NCAPG: variants seen among roughly 807,000 people sequenced by gnomAD.
The protein encoded by NCAPG is condensin complex subunit 3.
NCAPG carries 69 observed loss-of-function variants against 113.1 expected under a neutral mutation model. The observed-to-expected ratio is 0.61, with a 90% CI of 0.50 to 0.75. The LOEUF is 0.75. Ranked by LOEUF, NCAPG falls within the 30% of genes least tolerant of loss-of-function variation. The pLI is 0.00. For missense variants in NCAPG, 1,058 were observed against 1,177.0 expected, an observed-to-expected ratio of 0.90 and a Z score of 1.48; for synonymous variants, 370 against 415.8, an observed-to-expected ratio of 0.89 and a Z score of 1.34.
At chr4:17,828,913 TA>T (rs955042779) in intron 12 of NCAPG, among the ~76,000 whole-genome samples, 2 of 151,618 alleles carry the variant, frequency 1.3e-5, no homozygotes, top group Admixed American at 6.6e-5. Flanking sequence ...GTAGCCACAT[TA>T]AAAAAAGTGG....
chr4:17,814,575 C>G (rs929602693), intron 3 of NCAPG, among the ~76,000 whole-genome samples: 2 of 152,168 alleles, frequency 1.3e-5, no homozygotes, highest in African/African-American at 4.8e-5. Context: ...TCCTAAGTAA[C>G]TGGAAGCGCC....
Position 17,815,306 on chromosome 4 carries a change from G to A in NCAPG, c.723G>A (p.Met241Ile), listed in dbSNP as rs376754267. 18 of 1,596,826 alleles carry A rather than the reference G, an allele frequency of 1.1e-5. No homozygotes were observed. Among genetic ancestry groups the A allele is most frequent in the Non-Finnish European group, 1.5e-5 (18 of 1,176,246 alleles). ...VLAEKVHMRAMSIAQRVMLLQ... is the reference protein window; with the variant it reads ...VLAEKVHMRAISIAQRVMLLQ... ...CTGAAAAGGTTCATATGAGAGCTAT[G>A]TCCATTGCTCAGAGAGTAATGCTCC... Residue 241 changes from methionine to isoleucine, a missense_variant, in exon 5 of 21, where the codon ATG (methionine) becomes ATA (isoleucine). By Grantham distance (10) the Met-to-Ile change is conservative (BLOSUM62 1). Transcript: ENST00000251496.
chr4:17,831,784 G>T (rs553720955), intron 13 of NCAPG, among the ~76,000 whole-genome samples: 1 of 152,172 alleles, frequency 6.6e-6, no homozygotes, highest in South Asian at 2.1e-4. Flanking sequence ...GCTGGCAGCA[G>T]GATGTCCATG....
At position 17,843,866 on chromosome 4, in the gene NCAPG, T is replaced by TA. The variant is rs201720404; in HGVS notation, c.*442dup. On this transcript the variant is annotated 3_prime_UTR_variant, in exon 21 of 21. Transcript: ENST00000251496. ...ACATTTCTAGGGAAAATGAAGGAAGTACCACAAACTGGCTAGAAAGGAGCT... is the reference window on the plus strand; with the variant it reads ...ACATTTCTAGGGAAAATGAAGGAAGTAACCACAAACTGGCTAGAAAGGAGCT... 2.0e-3 allele frequency: 303 copies of TA among 153,122 alleles called. 6 individuals carry two copies. The East Asian group carries it at 0.041, about 21-fold the overall frequency. 9.5% of individuals were successfully genotyped at this position (153,122 alleles called of 1,614,324 possible).
chr4:17,824,544 T>C (rs1254178696), intron 9 of NCAPG, among the ~76,000 whole-genome samples: 1 of 152,138 alleles, frequency 6.6e-6, no homozygotes, highest in African/African-American at 2.4e-5. Flanking sequence ...CTTATGCTAT[T>C]ATTATTTATG....
In NCAPG at chr4:17,815,302, CT is replaced by C; in HGVS notation, c.720del (p.Met241CysfsTer7). 6.3e-7 allele frequency: 1 copy of C among 1,596,636 alleles called. No individual in the cohort carries two copies. The highest frequency in any genetic ancestry group is 1.1e-5 in the South Asian group (1 of 87,062). ...TTAGCTGAAAAGGTTCATATGAGAG[CT>C]ATGTCCATTGCTCAGAGAGTAATGC... ...QVLAEKVHMR[A>X]MSIAQRVMLL... On this transcript the variant is annotated frameshift_variant, in exon 5 of 21. Transcript: ENST00000251496. LOFTEE classifies it high-confidence loss of function.
At chr4:17,817,116 A>T (rs1721240878) in intron 5 of NCAPG, 145 bp from the exon 6 acceptor site, 2 of 573,478 alleles carry the variant, frequency 3.5e-6, no homozygotes, top group African/African-American at 1.9e-5. Context: ...TGTCTCAAAA[A>T]ATATATATAT....
intron 9 of NCAPG, 25 bp from the exon 10 acceptor site, chr4:17,824,943 T>G (rs1215403642): frequency 4.6e-6 from 7 of 1,531,044 alleles, no homozygotes; most frequent in Middle Eastern, 1.7e-4. Flanking sequence ...AAACATATAT[T>G]AAAGCATGTA....
chr4:17,819,736 A>C (rs1018396330), intron 7 of NCAPG, among the ~76,000 whole-genome samples: 10 of 151,918 alleles, frequency 6.6e-5, no homozygotes, highest in Non-Finnish European at 1.2e-4. Flanking sequence ...ATATAATATG[A>C]ATTATGGACC....
chr4:17,843,520 T>G lies in NCAPG; in HGVS notation c.*95T>G. Reference sequence around the variant, plus strand: ...CTTGTCAAAATCAGAACAAACCTGATGTCTTTCTGAAGATTTTCTGCTGTG... The same window carrying G: ...CTTGTCAAAATCAGAACAAACCTGAGGTCTTTCTGAAGATTTTCTGCTGTG... On this transcript the variant is annotated 3_prime_UTR_variant, in exon 21 of 21. Coordinates refer to ENST00000251496, the MANE Select transcript of NCAPG (RefSeq NM_022346.5). 1 of 1,404,978 alleles carries G rather than the reference T, an allele frequency of 7.1e-7. No homozygotes were observed. Among genetic ancestry groups the G allele is most frequent in the Non-Finnish European group, 9.8e-7 (1 of 1,023,046 alleles). The allele number at this position is 1,404,978 out of a possible 1,614,324, so 87.0% of individuals were successfully genotyped here.
rs1721154752 is a variant in NCAPG, at chr4:17,815,258, A to T, written c.691-16A>T. 1.3e-6 allele frequency: 2 copies of T among 1,585,114 alleles called. No individual in the cohort carries two copies. Among genetic ancestry groups the T allele is most frequent in the Non-Finnish European group, 1.7e-6 (2 of 1,164,738 alleles). ...TGTGTTGAGGTTAATGACCATCTTT[A>T]TAAATTATTTTTAAGGTTTTAGCTG... On this transcript the variant is annotated splice_polypyrimidine_tract_variant and intron_variant, in intron 4 of 20. Transcript: ENST00000251496.
At chr4:17,838,992 T>G (rs1722213421) in intron 16 of NCAPG, among the ~76,000 whole-genome samples, 1 of 152,066 alleles carries the variant, frequency 6.6e-6, no homozygotes, top group African/African-American at 2.4e-5. Context: ...ATTGACCTAA[T>G]AAAGAATTAT....
In NCAPG at chr4:17,825,435, C is replaced by T; in HGVS notation, c.1527C>T (p.Cys509=). ...AAGCCAAAGAAGCTTTGGAAAATTGCATTACCTTACAGGATTTTAATCGGG... is the reference window on the plus strand; with the variant it reads ...AAGCCAAAGAAGCTTTGGAAAATTGTATTACCTTACAGGATTTTAATCGGG... The part of the protein sequence containing the change: ...LIEAKEALEN[C]ITLQDFNRAS... The change falls in exon 11 of 21, where the codon TGC becomes TGT. Residue 509 remains cysteine (C), a synonymous_variant. Coordinates refer to ENST00000251496, the MANE Select transcript of NCAPG (RefSeq NM_022346.5). The T allele has an allele frequency of 6.2e-7, 1 of 1,602,740 alleles. No individual in the cohort carries two copies. Among genetic ancestry groups the T allele is most frequent in the Non-Finnish European group, 8.5e-7 (1 of 1,177,020 alleles).
rs764380443 is a variant in NCAPG, at chr4:17,813,164, A to T, written c.544+19A>T. The stretch of plus-strand genomic sequence containing the variant: ...GTTAATGGTGTGTGTAGTTTCCTAA[A>T]TCTTTTTTCAGATTTGTTGATTTTG... On this transcript the variant is annotated intron_variant, in intron 3 of 20. Coordinates refer to ENST00000251496, the MANE Select transcript of NCAPG (RefSeq NM_022346.5). The T allele has an allele frequency of 3.4e-5, 53 of 1,562,720 alleles. No homozygotes were observed. The Middle Eastern group carries it at 3.6e-3, about 107-fold the overall frequency.
At position 17,823,783 on chromosome 4, in the gene NCAPG, C is replaced by G; in HGVS notation, c.1383+13C>G. ...GAGAACACAAATTGTAAGTAATTTT[C>G]CTCATTGTTGATAAAGAGGTTTTGG... On this transcript the variant is annotated intron_variant, in intron 9 of 20. Transcript: ENST00000251496. The G allele has an allele frequency of 6.3e-7, 1 of 1,583,182 alleles. No homozygotes were observed. The highest frequency in any genetic ancestry group is 1.1e-5 in the South Asian group (1 of 87,960).
At chr4:17,824,876 A>G (rs1049977224) in intron 9 of NCAPG, 92 bp from the exon 10 acceptor site, 4 of 794,098 alleles carry the variant, frequency 5.0e-6, no homozygotes, top group Non-Finnish European at 4.1e-6. Flanking sequence ...TATTCAATAT[A>G]TGGTGGATAC....
At position 17,843,538 on chromosome 4, in the gene NCAPG, C is replaced by A; in HGVS notation, c.*113C>A. ...AACCTGATGTCTTTCTGAAGATTTT[C>A]TGCTGTGCGCTTCCACGTTACTTTG... On this transcript the variant is annotated 3_prime_UTR_variant, in exon 21 of 21. Coordinates refer to ENST00000251496, the MANE Select transcript of NCAPG (RefSeq NM_022346.5). The A allele has an allele frequency of 8.4e-7, 1 of 1,189,876 alleles. No homozygotes were observed. Among genetic ancestry groups the A allele is most frequent in the Non-Finnish European group, 1.2e-6 (1 of 838,026 alleles). The allele number at this position is 1,189,876 out of a possible 1,614,324, so 73.7% of individuals were successfully genotyped here. A position where few individuals can be genotyped will look rare whatever the true frequency, so the allele number is the denominator to read the frequency against.
At chr4:17,833,467 AAAATAT>A (rs1721954695) in intron 13 of NCAPG, among the ~76,000 whole-genome samples, 1 of 135,338 alleles carries the variant, frequency 7.4e-6, no homozygotes, top group South Asian at 2.4e-4. Flanking sequence ...TCAAAAAAAA[AAAATAT>A]ATATATATAT....
intron 19 of NCAPG, among the ~76,000 whole-genome samples, chr4:17,840,984 T>C (rs1390608364): frequency 6.6e-6 from 1 of 151,946 alleles, no homozygotes; most frequent in Non-Finnish European, 1.5e-5. Context: ...TAAATGATGG[T>C]TTTATATTAG....
Sources: gnomAD v4.1 joint callset for allele counts (sites outside exome capture counted in the v4.1 genomes callset) on GRCh38, gnomAD v4.1.1 for gene constraint, MANE v1.5 for transcripts, NCBI Gene and HGNC (gene_info 2026-07-23, HGNC 2026-07-21) for gene names.